The following CTSC variants were observed in gnomAD, a reference collection of about 807,000 sequenced individuals.
The protein encoded by CTSC is dipeptidyl peptidase 1.
A neutral mutation model predicts 40.9 loss-of-function variants in CTSC; 37 were observed. The observed-to-expected ratio is 0.91, with a 90% CI of 0.70 to 1.19. CTSC has a LOEUF of 1.19. Among genes scored for constraint, CTSC ranks in the 50% most tolerant of loss-of-function variants. The probability of loss-of-function intolerance (pLI) is 0.00; values close to 1 mark genes in which losing one functional copy is unlikely to be tolerated. For missense variants in CTSC, 594 were observed against 567.3 expected, an observed-to-expected ratio of 1.05 and a Z score of -0.48; for synonymous variants, 232 against 207.4, an observed-to-expected ratio of 1.12 and a Z score of -1.02.
chr11:88,326,841 C>A (rs572829683), intron 2 of CTSC, among the ~76,000 whole-genome samples: 3 of 152,314 alleles, frequency 2.0e-5, no homozygotes, highest in East Asian at 3.9e-4. Context: ...GCTATTTATC[C>A]CATTTACACA....
intron 4 of CTSC, among the ~76,000 whole-genome samples, chr11:88,307,170 T>G (rs754982051): frequency 4.0e-5 from 6 of 151,612 alleles, no homozygotes; most frequent in Non-Finnish European, 8.8e-5. Flanking sequence ...GGATTAAACA[T>G]TGTATTCTCT....
intron 4 of CTSC, among the ~76,000 whole-genome samples, chr11:88,302,051 C>A (rs1009213967): frequency 1.3e-5 from 2 of 152,182 alleles, no homozygotes; most frequent in African/African-American, 4.8e-5. Context: ...AGCGAAAACT[C>A]ACTTCCTCTC....
intron 2 of CTSC, among the ~76,000 whole-genome samples, chr11:88,317,902 T>G (rs773662732): frequency 3.3e-5 from 5 of 152,270 alleles, no homozygotes; most frequent in Non-Finnish European, 5.9e-5. Flanking sequence ...AAAACTATTA[T>G]GATTCAATAA....
intron 4 of CTSC, among the ~76,000 whole-genome samples, chr11:88,304,523 G>A (rs1157320011): frequency 6.6e-6 from 1 of 152,266 alleles, no homozygotes; most frequent in African/African-American, 2.4e-5. Flanking sequence ...GCTTAATGAT[G>A]TTGTCAAAGG....
At chr11:88,296,024 C>G in intron 6 of CTSC, 109 bp downstream of exon 6, 1 of 1,168,924 alleles carries the variant, frequency 8.6e-7, no homozygotes, top group Non-Finnish European at 1.3e-6. Context: ...GATTTTCTGA[C>G]TATAGACACT....
In CTSC at chr11:88,337,566, A is replaced by C. The variant is rs1440497026; in HGVS notation, c.107T>G (p.Leu36Arg). The stretch of plus-strand genomic sequence containing the variant: ...GCCCACCTGGAAGACCCAGGTGCCC[A>C]GCAGGTCAAGATAGGTGCAGTTGGC... ...TPANCTYLDL[L>R]GTWVFQVGSS... Residue 36 changes from leucine to arginine, a missense_variant, in exon 1 of 7, where the codon CTG becomes CGG. Leu to Arg is a moderately radical substitution (Grantham distance 102). Coordinates refer to ENST00000227266, the MANE Select transcript of CTSC (RefSeq NM_001814.6). 1.2e-5 allele frequency: 19 copies of C among 1,576,282 alleles called. No homozygotes were observed. Among genetic ancestry groups the C allele is most frequent in the African/African-American group, 2.7e-5 (2 of 74,078 alleles).
intron 2 of CTSC, among the ~76,000 whole-genome samples, chr11:88,331,579 T>C (rs1938356840): frequency 6.6e-6 from 1 of 152,234 alleles, no homozygotes; most frequent in South Asian, 2.1e-4. Context: ...TGTCAGACCC[T>C]ACATGTTTAG....
At chr11:88,303,423 T>A (rs908928464) in intron 4 of CTSC, among the ~76,000 whole-genome samples, 1 of 152,228 alleles carries the variant, frequency 6.6e-6, no homozygotes, top group African/African-American at 2.4e-5. Flanking sequence ...GTGGGGATCC[T>A]ATGACACCCT....
At chr11:88,325,567 C>A in intron 2 of CTSC, 2 of 985,374 alleles carry the variant, frequency 2.0e-6, no homozygotes, top group Non-Finnish European at 2.4e-6. Flanking sequence ...GTTAGAAACT[C>A]TGTGAGCTTA....
intron 5 of CTSC, chr11:88,297,785 C>CA (rs1472599223): frequency 1.3e-5 from 2 of 152,174 alleles, no homozygotes; most frequent in Non-Finnish European, 2.9e-5. Flanking sequence ...CAGCCAAGGC[C>CA]AATCTGATTC....
At chr11:88,298,755 C>A (rs1471597562) in intron 5 of CTSC, 1 of 152,118 alleles carries the variant, frequency 6.6e-6, no homozygotes, top group East Asian at 1.9e-4. Context: ...TTTCTCTGTA[C>A]AAATCATACT....
At position 88,294,307 on chromosome 11, in the gene CTSC, A is replaced by G; in HGVS notation, c.1091T>C (p.Leu364Ser). Residue 364 changes from leucine to serine, a missense_variant, in exon 7 of 7, where the codon TTG (leucine) becomes TCG (serine). Transcript: ENST00000227266. ...AACTGCCATGGGCCCATGATGGACC[A>G]ACTCAAGCTTCATCAGGGCTTCATT... The part of the protein sequence containing the change: ...GCNEALMKLE[L>S]VHHGPMAVAF... The G allele has an allele frequency of 6.2e-7, 1 of 1,614,134 alleles. No individual in the cohort carries two copies. Among genetic ancestry groups the G allele is most frequent in the South Asian group, 1.1e-5 (1 of 91,082 alleles).
At chr11:88,302,533 G>A (rs1452989301) in intron 4 of CTSC, among the ~76,000 whole-genome samples, 1 of 149,970 alleles carries the variant, frequency 6.7e-6, no homozygotes, top group Non-Finnish European at 1.5e-5. Flanking sequence ...GGCTGAGGCA[G>A]GAGAATGGCA....
intron 2 of CTSC, chr11:88,328,106 G>A: frequency 1.2e-6 from 2 of 1,604,220 alleles, no homozygotes; most frequent in Non-Finnish European, 1.7e-6. Flanking sequence ...TTTCAATGGA[G>A]CTCACCCAGT....
At chr11:88,336,068 T>C (rs1387465672) in intron 1 of CTSC, among the ~76,000 whole-genome samples, 1 of 152,012 alleles carries the variant, frequency 6.6e-6, no homozygotes, top group Admixed American at 6.5e-5. Flanking sequence ...AGGCCAAAGG[T>C]AATTTTATAG....
intron 2 of CTSC, chr11:88,320,898 GT>G: frequency 1.1e-6 from 1 of 896,922 alleles, no homozygotes; most frequent in Non-Finnish European, 1.3e-6. Flanking sequence ...GAATCAAATG[GT>G]TAGTAAGATG....
chr11:88,294,546 A>C, intron 6 of CTSC, 38 bp from the exon 7 acceptor site: 1 of 1,610,754 alleles, frequency 6.2e-7, no homozygotes, highest in African/African-American at 1.3e-5. Context: ...CCCTTAGTAG[A>C]AAAAGGATTA....
rs1938536859 is a variant in CTSC, at chr11:88,337,548, TG to T, written c.124del (p.Gln42ArgfsTer23). On this transcript the variant is annotated frameshift_variant, in exon 1 of 7. Transcript: ENST00000227266. LOFTEE classifies it high-confidence loss of function. ...GCGCTGGGAACCGCTGGAGCCCACC[TG>T]GAAGACCCAGGTGCCCAGCAGGTCA... ...YLDLLGTWVFQVGSSGSQRDV... is the reference protein window; with the variant it reads ...YLDLLGTWVFXVGSSGSQRDV... 5 of 1,577,468 alleles carry T rather than the reference TG, an allele frequency of 3.2e-6. No individual in the cohort carries two copies. The highest frequency in any genetic ancestry group is 4.3e-6 in the Non-Finnish European group (5 of 1,160,742).
At chr11:88,295,781 A>G (rs1338992541) in intron 6 of CTSC, among the ~76,000 whole-genome samples, 1 of 152,204 alleles carries the variant, frequency 6.6e-6, no homozygotes, top group African/African-American at 2.4e-5. Flanking sequence ...TGAAACTCCA[A>G]TGCTAAAAGC....
Sources: gnomAD v4.1 joint callset for allele counts (sites outside exome capture counted in the v4.1 genomes callset) on GRCh38, gnomAD v4.1.1 for gene constraint, MANE v1.5 for transcripts, NCBI Gene and HGNC (gene_info 2026-07-23, HGNC 2026-07-21) for gene names.